The following PHAF1 variants were observed in gnomAD, a reference collection of about 807,000 sequenced individuals.
The protein encoded by PHAF1 is phagophore assembly factor 1, also known as phagosome assembly factor 1.
PHAF1 carries 23 observed loss-of-function variants against 63.1 expected under a neutral mutation model. That is an observed-to-expected ratio of 0.36 (90% confidence interval 0.26 to 0.52). The LOEUF is 0.52. PHAF1 is among the 20% of genes least tolerant of loss of function. The pLI is 0.93. For missense variants in PHAF1, 427 were observed against 517.2 expected (o/e 0.83, Z 1.69); for synonymous variants, 167 against 185.0 (o/e 0.90, Z 0.79).
chr16:67,118,766 C>CTTTTTT (rs910658530), intron 1 of PHAF1, among the ~76,000 whole-genome samples: 3 of 99,996 alleles, frequency 3.0e-5, no homozygotes, highest in African/African-American at 4.9e-5. Context: ...TGATCTTAAA[C>CTTTTTT]TTTTTTTTTT....
At chr16:67,139,710 A>G in intron 8 of PHAF1, 1 of 419,248 alleles carries the variant, frequency 2.4e-6, no homozygotes, top group Admixed American at 4.1e-5. Context: ...GTCCTAGCCC[A>G]TGGTAGGCAA....
At chr16:67,143,151 G>A (rs1963871489) in intron 10 of PHAF1, among the ~76,000 whole-genome samples, 1 of 152,160 alleles carries the variant, frequency 6.6e-6, no homozygotes, top group Non-Finnish European at 1.5e-5. Flanking sequence ...AGTTCCTGGG[G>A]TTGCTGACTC....
At chr16:67,141,660 G>T (rs1963813875) in intron 10 of PHAF1, among the ~76,000 whole-genome samples, 1 of 152,238 alleles carries the variant, frequency 6.6e-6, no homozygotes, top group Admixed American at 6.5e-5. Context: ...GGTGGGGCAG[G>T]CAGCTCCAGG....
At position 67,147,143 on chromosome 16, in the gene PHAF1, C is replaced by T; in HGVS notation, c.*12C>T. The T allele has an allele frequency of 1.3e-6, 2 of 1,595,788 alleles. No individual in the cohort carries two copies. Among genetic ancestry groups the T allele is most frequent in the Non-Finnish European group, 1.7e-6 (2 of 1,163,398 alleles). ...CGGAACTCCCCTAGGGACACCACCACCCATGCCCCTCTGTCCCGTGGAACT... is the reference window on the plus strand; with the variant it reads ...CGGAACTCCCCTAGGGACACCACCATCCATGCCCCTCTGTCCCGTGGAACT... On this transcript the variant is annotated 3_prime_UTR_variant, in exon 16 of 16. Transcript: ENST00000219139.
At chr16:67,118,793 G>A (rs1241840940) in intron 1 of PHAF1, among the ~76,000 whole-genome samples, 1 of 19,682 alleles carries the variant, frequency 5.1e-5, no homozygotes, top group African/African-American at 1.5e-4. Flanking sequence ...TTTTTTTTTT[G>A]AGATAGGGTC....
At chr16:67,143,792 AAAGAT>A (rs1233413599) in intron 10 of PHAF1, among the ~76,000 whole-genome samples, 4 of 152,038 alleles carry the variant, frequency 2.6e-5, no homozygotes, top group African/African-American at 7.2e-5. Context: ...ACATGACAGA[AAAGAT>A]AAGGTATGGG....
At chr16:67,134,702 A>G in intron 8 of PHAF1, 1 of 623,812 alleles carries the variant, frequency 1.6e-6, no homozygotes, top group Middle Eastern at 2.5e-4. Context: ...TCTAGTTCAT[A>G]GAAGAAACTT....
At chr16:67,134,027 G>A in intron 6 of PHAF1, 141 bp from the exon 7 acceptor site, 2 of 660,716 alleles carry the variant, frequency 3.0e-6, no homozygotes, top group South Asian at 4.0e-5. Flanking sequence ...TACTGACCCA[G>A]AGCCAGAGAG....
intron 2 of PHAF1, among the ~76,000 whole-genome samples, chr16:67,124,439 G>T (rs1963102963): frequency 6.6e-6 from 1 of 152,206 alleles, no homozygotes; most frequent in Non-Finnish European, 1.5e-5. Flanking sequence ...TTGGAAGGAA[G>T]CAACCTGCCC....
chr16:67,111,227 T>C (rs1366588234), intron 1 of PHAF1, among the ~76,000 whole-genome samples: 3 of 152,204 alleles, frequency 2.0e-5, no homozygotes, highest in Admixed American at 2.0e-4. Context: ...GAAGTAACAT[T>C]TAGTTTCTAA....
intron 2 of PHAF1, among the ~76,000 whole-genome samples, chr16:67,121,602 CAG>C (rs1421923486): frequency 1.4e-5 from 2 of 146,094 alleles, no homozygotes; most frequent in African/African-American, 5.1e-5. Context: ...TTTTTTGAGA[CAG>C]AGTTTTGCTG....
At chr16:67,125,444 C>T (rs183090102) in intron 2 of PHAF1, among the ~76,000 whole-genome samples, 51 of 152,298 alleles carry the variant, frequency 3.3e-4, no homozygotes, top group African/African-American at 1.2e-3. Context: ...AGAATTTGAT[C>T]TAAACCATCA....
At position 67,148,394 on chromosome 16, in the gene PHAF1, C is replaced by G. The variant is rs2030292400; in HGVS notation, c.*1263C>G. 1 of 152,618 alleles carries G rather than the reference C, an allele frequency of 6.6e-6. No homozygotes were observed. Among genetic ancestry groups the G allele is most frequent in the African/African-American group, 2.4e-5 (1 of 41,438 alleles). The allele number at this position is 152,618 out of a possible 1,614,324, so 9.5% of individuals were successfully genotyped here. A position where few individuals can be genotyped will look rare whatever the true frequency, so the allele number is the denominator to read the frequency against. On this transcript the variant is annotated 3_prime_UTR_variant, in exon 16 of 16. Coordinates refer to ENST00000219139, the MANE Select transcript of PHAF1 (RefSeq NM_025187.5). ...GCCTGGCCAGAGCCCCTTGCATATC[C>G]CCACTGTCAGGGGCAGCCAGGACTG...
At chr16:67,112,381 CAA>C (rs964546436) in intron 1 of PHAF1, among the ~76,000 whole-genome samples, 6 of 45,366 alleles carry the variant, frequency 1.3e-4, no homozygotes, top group African/African-American at 2.5e-4. Flanking sequence ...TCGTTTCTAC[CAA>C]AAAAAAAAAA....
chr16:67,126,627 C>G (rs1039303375), intron 3 of PHAF1, among the ~76,000 whole-genome samples: 4 of 144,318 alleles, frequency 2.8e-5, no homozygotes, highest in Non-Finnish European at 6.0e-5. Flanking sequence ...TGAGGTCTAG[C>G]TCTGTCACCC....
At chr16:67,117,390 G>A (rs1962782220) in intron 1 of PHAF1, among the ~76,000 whole-genome samples, 1 of 151,568 alleles carries the variant, frequency 6.6e-6, no homozygotes, top group South Asian at 2.1e-4. Context: ...TCCTTAGACT[G>A]TTGGAGATGT....
chr16:67,145,691 G>A (rs1182558591), intron 14 of PHAF1, 63 bp downstream of exon 14: 12 of 1,541,064 alleles, frequency 7.8e-6, no homozygotes, highest in Non-Finnish European at 8.8e-6. Flanking sequence ...GAAAGCCCAG[G>A]GAAGCCTGGC....
chr16:67,132,745 C>T (rs1189595871), intron 5 of PHAF1, 72 bp from the exon 6 acceptor site: 1 of 1,369,504 alleles, frequency 7.3e-7, no homozygotes, highest in Non-Finnish European at 1.0e-6. Flanking sequence ...TTACTCCCTG[C>T]CAGGCTGGTT....
chr16:67,133,655 C>T (rs1183338947), intron 6 of PHAF1, among the ~76,000 whole-genome samples: 26 of 152,098 alleles, frequency 1.7e-4, no homozygotes, highest in Non-Finnish European at 2.9e-5. Context: ...TGGCGGGTGC[C>T]TGTAGTCCCA....
Sources: allele counts gnomAD v4.1 joint callset (sites outside exome capture counted in the v4.1 genomes callset), GRCh38; gene constraint gnomAD v4.1.1; transcripts MANE v1.5; gene names NCBI Gene and HGNC (gene_info 2026-07-23, HGNC 2026-07-21).